Variants in KDM4C observed in about 807,000 individuals in gnomAD.
KDM4C encodes the protein lysine demethylase 4C, also known as lysine-specific demethylase 4C.
A neutral mutation model predicts 129.3 loss-of-function variants in KDM4C; 81 were observed. The ratio of observed to expected loss-of-function variants is 0.63; its 90% CI spans 0.52 to 0.75. The LOEUF is 0.75. KDM4C is among the 30% of genes least tolerant of loss of function. KDM4C has a pLI of 0.00. For missense variants in KDM4C, 1,457 were observed against 1,304.0 expected (o/e 1.12, Z -1.81); for synonymous variants, 573 against 456.1 (o/e 1.26, Z -3.26).
intron 17 of KDM4C, among the ~76,000 whole-genome samples, chr9:7,071,232 C>G (rs1833151770): frequency 6.6e-6 from 1 of 152,084 alleles, no homozygotes; most frequent in Admixed American, 6.6e-5. Context: ...TAATTCTCCA[C>G]CAAATTGATC....
chr9:6,861,213 T>C (rs923179563), intron 5 of KDM4C, among the ~76,000 whole-genome samples: 1 of 152,244 alleles, frequency 6.6e-6, no homozygotes, highest in African/African-American at 2.4e-5. Context: ...TGTTCTGTTC[T>C]CATAGAACTC....
At position 6,860,246 on chromosome 9, in the gene KDM4C, G is replaced by C. The variant is rs151130582; in HGVS notation, c.629+10546G>C. 4.4e-3 allele frequency among the ~76,000 whole-genome samples: 676 copies of C among 152,258 alleles called. 8 individuals are homozygous for C. The highest frequency in any genetic ancestry group is 0.016 in the African/African-American group (647 of 41,544). ...TAGGAGAAATGTCTGAACCAACACC[G>C]TTTGTTTGCCACCTAAGGTTCTTTC... On this transcript the variant is annotated intron_variant, in intron 5 of 21. Transcript: ENST00000381309.
At position 6,945,037 on chromosome 9, in the gene KDM4C, T is replaced by G. The variant is rs372789281; in HGVS notation, c.922-35888T>G. Among the ~76,000 whole-genome samples the G allele has an allele frequency of 4.6e-5, 7 of 152,210 alleles. No homozygotes were observed. In the East Asian group the frequency reaches 5.8e-4, roughly 13 times the overall value. On this transcript the variant is annotated intron_variant, in intron 8 of 21. Coordinates refer to ENST00000381309, the MANE Select transcript of KDM4C (RefSeq NM_015061.6). ...GTTTTTGTCTTGCTCTACATTGTGA[T>G]CATCCAGGGACCTTATGTGATCTCC...
At chr9:6,906,941 A>G (rs1818425983) in intron 8 of KDM4C, among the ~76,000 whole-genome samples, 1 of 152,226 alleles carries the variant, frequency 6.6e-6, no homozygotes, top group Admixed American at 6.5e-5. Context: ...ATTTTATTTC[A>G]TGGGAACAAT....
In KDM4C at chr9:6,788,407, C is replaced by T. The variant is rs374726298; in HGVS notation, c.-17-4565C>T. ...GCCTGTCGAAGATGAACACTGCCTTCTGTGTACCAAATGTTTCTACAAAGG... is the reference window on the plus strand; with the variant it reads ...GCCTGTCGAAGATGAACACTGCCTTTTGTGTACCAAATGTTTCTACAAAGG... On this transcript the variant is annotated intron_variant, in intron 1 of 21. Transcript: ENST00000381309. Among the ~76,000 whole-genome samples, 20 of 152,322 alleles carry T rather than the reference C, an allele frequency of 1.3e-4. No individual in the cohort carries two copies. The East Asian group carries it at 3.9e-3, about 29-fold the overall frequency.
chr9:7,010,786 G>C (rs898265511), intron 12 of KDM4C, among the ~76,000 whole-genome samples: 16 of 152,216 alleles, frequency 1.1e-4, no homozygotes, highest in Admixed American at 5.9e-4. Context: ...GTTCATGCCT[G>C]TAATTCCAGC....
Position 6,949,249 on chromosome 9 carries a change from G to C in KDM4C, c.922-31676G>C, listed in dbSNP as rs973478366. Reference sequence around the variant, plus strand: ...GAGACGCTCCTCACCTCCCAGACGGGGTTGCGGCCGGGCAGAGGCGCTCCT... The same window carrying C: ...GAGACGCTCCTCACCTCCCAGACGGCGTTGCGGCCGGGCAGAGGCGCTCCT... On this transcript the variant is annotated intron_variant, in intron 8 of 21. Coordinates refer to ENST00000381309, the MANE Select transcript of KDM4C (RefSeq NM_015061.6). Among the ~76,000 whole-genome samples the C allele has an allele frequency of 5.6e-4, 85 of 151,902 alleles. 1 individual carries two copies. Among genetic ancestry groups the C allele is most frequent in the African/African-American group, 2.0e-3 (83 of 41,432 alleles).
chr9:6,846,057 T>C (rs867228046), intron 4 of KDM4C, among the ~76,000 whole-genome samples: 3 of 152,170 alleles, frequency 2.0e-5, no homozygotes, highest in African/African-American at 7.2e-5. Flanking sequence ...GCCTTGCTGG[T>C]ATTTGTGTAG....
intron 2 of KDM4C, among the ~76,000 whole-genome samples, chr9:6,800,242 C>G (rs955304982): frequency 3.9e-5 from 6 of 152,098 alleles, no homozygotes; most frequent in Admixed American, 3.9e-4. Flanking sequence ...TGGTGCACAT[C>G]TGTAATCCCA....
At position 6,865,008 on chromosome 9, in the gene KDM4C, C is replaced by CTTTTT. The variant is rs777981928; in HGVS notation, c.630-14992_630-14988dup. 1.4e-3 allele frequency among the ~76,000 whole-genome samples: 175 copies of CTTTTT among 126,574 alleles called. 2 individuals are homozygous for CTTTTT. Among genetic ancestry groups the CTTTTT allele is most frequent in the Non-Finnish European group, 2.1e-3 (128 of 60,688 alleles). 83.0% of individuals were successfully genotyped at this position (126,574 alleles called of 152,430 possible). ...TTCAATCTCTTTGTTAAATTTCTTTCTTTTTTTTTTTTTTTTGTGAGATAG... is the reference window on the plus strand; with the variant it reads ...TTCAATCTCTTTGTTAAATTTCTTTCTTTTTTTTTTTTTTTTTTTTTGTGAGATAG... On this transcript the variant is annotated intron_variant, in intron 5 of 21. Transcript: ENST00000381309.
At chr9:6,855,059 A>G (rs1839554157) in intron 5 of KDM4C, among the ~76,000 whole-genome samples, 1 of 152,222 alleles carries the variant, frequency 6.6e-6, no homozygotes, top group African/African-American at 2.4e-5. Context: ...AGTGCTCAAT[A>G]GATGTTAACG....
At chr9:6,763,920 G>A (rs1820100531) in intron 1 of KDM4C, among the ~76,000 whole-genome samples, 1 of 152,074 alleles carries the variant, frequency 6.6e-6, no homozygotes, top group Non-Finnish European at 1.5e-5. Flanking sequence ...ACCACGCCCA[G>A]CTAATTTTGT....
At chr9:7,120,989 A>G (rs1839426683) in intron 18 of KDM4C, among the ~76,000 whole-genome samples, 1 of 152,230 alleles carries the variant, frequency 6.6e-6, no homozygotes, top group Non-Finnish European at 1.5e-5. Context: ...ATAATCCATG[A>G]AAAATACAGA....
At chr9:6,977,136 T>C (rs1370511645) in intron 8 of KDM4C, among the ~76,000 whole-genome samples, 5 of 152,162 alleles carry the variant, frequency 3.3e-5, no homozygotes, top group Non-Finnish European at 5.9e-5. Flanking sequence ...GTTATAGCCA[T>C]GTGCCTCGTG....
At chr9:7,076,470 C>T in intron 17 of KDM4C, 2 of 1,550,742 alleles carry the variant, frequency 1.3e-6, no homozygotes, top group South Asian at 1.2e-5. Flanking sequence ...ACAGTAACAA[C>T]AACAACAATA....
intron 1 of KDM4C, among the ~76,000 whole-genome samples, chr9:6,750,678 A>C (rs556608842): frequency 1.2e-4 from 19 of 152,374 alleles, no homozygotes; most frequent in Non-Finnish European, 2.4e-4. Flanking sequence ...AAGAAATTGT[A>C]TTATCTGGAT....
intron 18 of KDM4C, among the ~76,000 whole-genome samples, chr9:7,112,808 T>C (rs10448243): frequency 0.28 from 42,009 of 152,100 alleles, 7,228 homozygotes; most frequent in Middle Eastern, 0.49. Context: ...TAGCTAACAC[T>C]TATCTCACAG....
chr9:6,960,796 A>T (rs1374841546), intron 8 of KDM4C, among the ~76,000 whole-genome samples: 1 of 152,110 alleles, frequency 6.6e-6, no homozygotes, highest in African/African-American at 2.4e-5. Flanking sequence ...CAATATTGTC[A>T]TTTTTAGCAG....
intron 7 of KDM4C, among the ~76,000 whole-genome samples, chr9:6,890,408 A>C (rs578036319): frequency 6.6e-6 from 1 of 152,204 alleles, no homozygotes; most frequent in African/African-American, 2.4e-5. Context: ...TCCTGTAGGT[A>C]ATAATGTCTC....
Sources: gnomAD v4.1 joint callset for allele counts (sites outside exome capture counted in the v4.1 genomes callset) on GRCh38, gnomAD v4.1.1 for gene constraint, MANE v1.5 for transcripts, NCBI Gene and HGNC (gene_info 2026-07-23, HGNC 2026-07-21) for gene names.